Variants in DPP3 observed in about 807,000 individuals in gnomAD.
The protein encoded by DPP3 is dipeptidyl peptidase 3.
DPP3 carries 64 observed loss-of-function variants against 89.8 expected under a neutral mutation model. The ratio of observed to expected loss-of-function variants is 0.71; its 90% CI spans 0.58 to 0.88. The LOEUF is 0.88. Among genes scored for constraint, DPP3 ranks in the 40% least tolerant of loss-of-function variants. DPP3 has a pLI of 0.00. For missense variants in DPP3, 835 were observed against 972.5 expected (o/e 0.86, Z 1.88); for synonymous variants, 377 against 404.3 (o/e 0.93, Z 0.81).
chr11:66,493,718 A>T, intron 12 of DPP3, 85 bp downstream of exon 12: 2 of 1,402,208 alleles, frequency 1.4e-6, no homozygotes, highest in Non-Finnish European at 1.9e-6. Flanking sequence ...AAGCTGCTCC[A>T]GCCTCTGCCC....
chr11:66,487,470 C>A, intron 5 of DPP3, 128 bp downstream of exon 5: 1 of 934,502 alleles, frequency 1.1e-6, no homozygotes. Flanking sequence ...AGGCGCGACC[C>A]CTGCCCACCC....
chr11:66,486,667 T>C lies in DPP3; in HGVS notation c.488T>C (p.Leu163Pro). The C allele has an allele frequency of 6.5e-7, 1 of 1,538,686 alleles. No individual in the cohort carries two copies. The highest frequency in any genetic ancestry group is 8.8e-7 in the Non-Finnish European group (1 of 1,142,088). ...SLEPRLRHLG[L>P]GKEGITTYFS... is the part of the protein sequence containing the mutation. ...GAGCCAAGGCTTCGACACCTCGGAC[T>C]GGGGAAGGAGGTGAGGCCCCTGACT... The change falls in exon 4 of 18, where the codon CTG becomes CCG. Residue 163 changes from leucine to proline, a missense_variant. Transcript: ENST00000531863.
chr11:66,480,775 A>C (rs1039771877), intron 1 of DPP3: 2 of 321,806 alleles, frequency 6.2e-6, no homozygotes, highest in African/African-American at 4.3e-5. Flanking sequence ...CCCGGGTTCC[A>C]ACGGGGCTGT....
Position 66,480,472 on chromosome 11 carries a change from C to A in DPP3, c.-9+7C>A. The A allele has an allele frequency of 6.7e-7, 1 of 1,488,062 alleles. No individual in the cohort carries two copies. The highest frequency in any genetic ancestry group is 1.3e-5 in the South Asian group (1 of 78,776). The allele number at this position is 1,488,062 out of a possible 1,614,324, so 92.2% of individuals were successfully genotyped here. A position where few individuals can be genotyped will look rare whatever the true frequency, so the allele number is the denominator to read the frequency against. ...AACGGAGCAGCTGCTGCAGGTGAGG[C>A]GCGGCGCCTGGGCTTTTGGGGTCAA... On this transcript the variant is annotated splice_region_variant and intron_variant, in intron 1 of 17. Coordinates refer to ENST00000531863, the MANE Select transcript of DPP3 (RefSeq NM_130443.4).
chr11:66,491,125 C>A, intron 6 of DPP3, 128 bp from the exon 7 acceptor site: 1 of 1,383,274 alleles, frequency 7.2e-7, no homozygotes. Flanking sequence ...CTACAGGGAG[C>A]CATTGAAAAT....
At chr11:66,481,254 C>G (rs766676828) in intron 1 of DPP3, among the ~76,000 whole-genome samples, 17 of 152,078 alleles carry the variant, frequency 1.1e-4, no homozygotes, top group Non-Finnish European at 2.2e-4. Context: ...TTTGGGAGGC[C>G]AAGGCAAGCA....
At chr11:66,497,809 T>G (rs1166810985) in intron 16 of DPP3, among the ~76,000 whole-genome samples, 1 of 151,862 alleles carries the variant, frequency 6.6e-6, no homozygotes, top group African/African-American at 2.4e-5. Context: ...GAGGATCACT[T>G]GAGCCTGAGG....
Position 66,495,745 on chromosome 11 carries a change from C to G in DPP3, c.1693C>G (p.Arg565Gly). ...CTACACACCTGAGGCCTTCAACTGG[C>G]GACAGGTAGGGCCTAGGTGGAGCCC... is the stretch of plus-strand genomic sequence containing the variant. ...EFYTPEAFNW[R>G]QAHMQARFVI... The change falls in exon 15 of 18, where the codon CGA becomes GGA. Residue 565 changes from arginine (R) to glycine (G), a missense_variant. By Grantham distance (125) the Arg-to-Gly change is moderately radical (BLOSUM62 -2). Coordinates refer to ENST00000531863, the MANE Select transcript of DPP3 (RefSeq NM_130443.4). 6.2e-7 allele frequency: 1 copy of G among 1,606,846 alleles called. No individual in the cohort carries two copies. The highest frequency in any genetic ancestry group is 8.5e-7 in the Non-Finnish European group (1 of 1,177,054).
At chr11:66,498,090 G>A (rs1474729290) in intron 16 of DPP3, among the ~76,000 whole-genome samples, 2 of 144,296 alleles carry the variant, frequency 1.4e-5, no homozygotes, top group African/African-American at 5.2e-5. Context: ...TCACCACCAC[G>A]CCCGGCTAAT....
intron 9 of DPP3, 110 bp downstream of exon 9, chr11:66,491,866 C>T (rs777669173): frequency 6.8e-5 from 80 of 1,173,892 alleles, no homozygotes; most frequent in Non-Finnish European, 9.8e-5. Flanking sequence ...ATAACCATAA[C>T]AGTAAGAACA....
At chr11:66,500,855 A>G (rs1242081176) in intron 16 of DPP3, among the ~76,000 whole-genome samples, 3 of 152,200 alleles carry the variant, frequency 2.0e-5, no homozygotes, top group Non-Finnish European at 4.4e-5. Flanking sequence ...CAGGAGTTTC[A>G]GACCAGCCTA....
chr11:66,508,281 A>T (rs995549477), intron 17 of DPP3, among the ~76,000 whole-genome samples: 1 of 152,224 alleles, frequency 6.6e-6, no homozygotes, highest in Non-Finnish European at 1.5e-5. Context: ...TTAATAAATC[A>T]GTAAACAGGT....
chr11:66,507,100 G>A (rs945454269), intron 17 of DPP3, among the ~76,000 whole-genome samples: 2 of 152,008 alleles, frequency 1.3e-5, no homozygotes, highest in African/African-American at 2.4e-5. Context: ...AGCCCTGTGC[G>A]AGCCATGGGG....
Position 66,504,683 on chromosome 11 carries a change from G to GC in DPP3, c.1956dup (p.Glu653ArgfsTer14), listed in dbSNP as rs772006461. 9 of 1,612,958 alleles carry GC rather than the reference G, an allele frequency of 5.6e-6. No individual in the cohort carries two copies. The highest frequency in any genetic ancestry group is 2.2e-5 in the East Asian group (1 of 44,824). ...AGGGGTATGCAACAGTCACTGATGCGCCCCCCGAGTGCTTCCTCACCCTCA... is the reference window on the plus strand; with the variant it reads ...AGGGGTATGCAACAGTCACTGATGCGCCCCCCCGAGTGCTTCCTCACCCTCA... On this transcript the variant is annotated frameshift_variant, in exon 17 of 18. Transcript: ENST00000531863. LOFTEE classifies it high-confidence loss of function.
At position 66,493,112 on chromosome 11, in the gene DPP3, G is replaced by T. The variant is rs1855439376; in HGVS notation, c.1229G>T (p.Gly410Val). 6.2e-7 allele frequency: 1 copy of T among 1,614,044 alleles called. No individual in the cohort carries two copies. Among genetic ancestry groups the T allele is most frequent in the African/African-American group, 1.3e-5 (1 of 74,930 alleles). ...GAAGGCTTTAAGAACGTGTCGCTGG[G>T]GAATGTGCTGGCTGTGGCCTACGCC... The part of the protein sequence containing the change: ...QTEGFKNVSL[G>V]NVLAVAYATQ... Residue 410 changes from glycine to valine, a missense_variant, in exon 11 of 18, where the codon GGG (glycine) becomes GTG (valine). Gly to Val is a moderately radical substitution (Grantham distance 109). Coordinates refer to ENST00000531863, the MANE Select transcript of DPP3 (RefSeq NM_130443.4).
At chr11:66,505,221 C>T (rs1397628335) in intron 17 of DPP3, among the ~76,000 whole-genome samples, 2 of 152,162 alleles carry the variant, frequency 1.3e-5, no homozygotes. Context: ...CATCATCCCG[C>T]TTCCTTCTCA....
chr11:66,482,267 T>C lies in DPP3; in HGVS notation c.67T>C (p.Phe23Leu). 2 of 1,614,196 alleles carry C rather than the reference T, an allele frequency of 1.2e-6. No individual in the cohort carries two copies. Among genetic ancestry groups the C allele is most frequent in the South Asian group, 1.1e-5 (1 of 91,090 alleles). Residue 23 changes from phenylalanine (F) to leucine (L), a missense_variant, in exon 2 of 18, where the codon TTC becomes CTC. Transcript: ENST00000531863. ...GVSSLDCREA[F>L]RLLSPTERLY... is the part of the protein sequence containing the mutation. ...GTCTAGCCTGGACTGCCGTGAGGCC[T>C]TCCGCCTGCTGTCACCCACAGAGCG...
In DPP3 at chr11:66,485,912, A is replaced by ATTTTCTTTTCTTTTC. The variant is rs113853030; in HGVS notation, c.361-598_361-584dup. ...GGGTATGCAGCACCACACCAGCTAA[A>ATTTTCTTTTCTTTTC]TTTTCTTTTCTTTTCTTTTCTTTTC... On this transcript the variant is annotated intron_variant, in intron 3 of 17. Transcript: ENST00000531863. Among the ~76,000 whole-genome samples, 634 of 144,474 alleles carry ATTTTCTTTTCTTTTC rather than the reference A, an allele frequency of 4.4e-3. 11 individuals carry two copies. Among genetic ancestry groups the ATTTTCTTTTCTTTTC allele is most frequent in the African/African-American group, 0.015 (591 of 38,562 alleles). The allele number at this position is 144,474 out of a possible 152,430, so 94.8% of individuals were successfully genotyped here.
intron 15 of DPP3, among the ~76,000 whole-genome samples, chr11:66,496,422 T>TAGTAGAGATGGGGTTTCACCGTG (rs1855537632): frequency 6.6e-6 from 1 of 151,532 alleles, no homozygotes; most frequent in East Asian, 1.9e-4. Context: ...TTTGTATTTT[T>TAGTAGAGATGGGGTTTCACCGTG]TTTTTCTTTT....
Sources: gnomAD v4.1 joint callset for allele counts (sites outside exome capture counted in the v4.1 genomes callset) on GRCh38, gnomAD v4.1.1 for gene constraint, MANE v1.5 for transcripts, NCBI Gene and HGNC (gene_info 2026-07-23, HGNC 2026-07-21) for gene names.